FAAH2: variants seen among roughly 807,000 people sequenced by gnomAD.
The protein encoded by FAAH2 is fatty acid amide hydrolase 2.
Under a neutral mutation model 36.9 loss-of-function variants are expected in FAAH2, and 60 were observed. That is an observed-to-expected ratio of 1.63 (90% CI 1.32 to 2.02). The LOEUF (loss-of-function observed/expected upper bound fraction) is 2.02. FAAH2 is among the 30% of genes most tolerant of loss of function. FAAH2 has a pLI of 0.00. For synonymous variants in FAAH2, 214 were observed against 143.8 expected, an observed-to-expected ratio of 1.49 and a Z score of -3.49; for missense variants, 689 against 397.5, an observed-to-expected ratio of 1.73 and a Z score of -6.23.
chrX:57,377,628 G>C (rs866661638), intron 5 of FAAH2, among the ~76,000 whole-genome samples: 1 of 111,695 alleles, frequency 9.0e-6, no homozygotes, highest in Middle Eastern at 4.3e-3. Context: ...TGGCTAAATG[G>C]GCTCATTTTG....
At chrX:57,216,032 G>A in the FAAH2 span, among the ~76,000 whole-genome samples, 7 of 108,461 alleles carry the variant, frequency 6.5e-5, no homozygotes, top group African/African-American at 1.3e-4. Context: ...GCGTATGTGT[G>A]TGTGTAGTGT....
At chrX:57,244,434 C>A in the FAAH2 span, among the ~76,000 whole-genome samples, 1 of 111,088 alleles carries the variant, frequency 9.0e-6, no homozygotes, top group Non-Finnish European at 1.9e-5. Context: ...AACCCCAAGG[C>A]ACATAATCGT....
chrX:57,311,884 C>T (rs768802390), intron 3 of FAAH2, among the ~76,000 whole-genome samples: 129 of 112,035 alleles, frequency 1.2e-3, no homozygotes, highest in African/African-American at 4.1e-3. Flanking sequence ...AGGGCTACAG[C>T]GTGCTACTTG....
At chrX:57,285,771 G>C (rs2051801066), upstream of FAAH2, among the ~76,000 whole-genome samples, 1 of 112,211 alleles carries the variant, frequency 8.9e-6, no homozygotes, top group Non-Finnish European at 1.9e-5. Flanking sequence ...GCTGGACAAA[G>C]TAGATGGGTC....
intron 5 of FAAH2, among the ~76,000 whole-genome samples, chrX:57,348,418 A>T (rs1382618186): frequency 9.0e-6 from 1 of 111,241 alleles, no homozygotes; most frequent in Non-Finnish European, 1.9e-5. Context: ...GGGGCTTAAG[A>T]GCCCACTTTC....
At chrX:57,442,463 T>C (rs2056581461) in intron 8 of FAAH2, among the ~76,000 whole-genome samples, 1 of 111,379 alleles carries the variant, frequency 9.0e-6, no homozygotes, top group African/African-American at 3.3e-5. Flanking sequence ...ATTTGCTTGG[T>C]AGATCTTCCT....
the FAAH2 span, among the ~76,000 whole-genome samples, chrX:57,157,538 C>T: frequency 9.0e-6 from 1 of 111,548 alleles, no homozygotes; most frequent in Admixed American, 9.5e-5. Flanking sequence ...ACACTGACTG[C>T]ACTCTTTCTC....
chrX:57,419,504 C>T, intron 7 of FAAH2, among the ~76,000 whole-genome samples: 1 of 112,333 alleles, frequency 8.9e-6, no homozygotes, highest in Middle Eastern at 4.6e-3. Flanking sequence ...TTTTTGGCAG[C>T]ATAAATGTCT....
the FAAH2 span, among the ~76,000 whole-genome samples, chrX:57,171,873 A>G: frequency 8.9e-6 from 1 of 111,750 alleles, no homozygotes; most frequent in African/African-American, 3.3e-5. Context: ...TTCTTGTATA[A>G]TTTTTATGGT....
the FAAH2 span, among the ~76,000 whole-genome samples, chrX:57,122,729 C>G: frequency 8.9e-6 from 1 of 111,893 alleles, no homozygotes; most frequent in Non-Finnish European, 1.9e-5. Context: ...CTTTCTTATT[C>G]AGATACTTAT....
intron 7 of FAAH2, among the ~76,000 whole-genome samples, chrX:57,404,235 A>G (rs1386885051): frequency 8.9e-6 from 1 of 112,275 alleles, no homozygotes; most frequent in Non-Finnish European, 1.9e-5. Context: ...GTTATCAATT[A>G]TAGGTTTTAA....
At chrX:57,265,614 C>A in the FAAH2 span, among the ~76,000 whole-genome samples, 1 of 111,421 alleles carries the variant, frequency 9.0e-6, no homozygotes, top group Non-Finnish European at 1.9e-5. Context: ...TCCCCTTTCT[C>A]ATCACTTGGG....
chrX:57,488,746 G>A lies in FAAH2; in HGVS notation c.1424-11G>A. 1 of 1,206,051 alleles carries A rather than the reference G, an allele frequency of 8.3e-7. No homozygotes were observed. The highest frequency in any genetic ancestry group is 1.1e-6 in the Non-Finnish European group (1 of 893,629). ...TCTTGATTTCTCACTTATTTTGTTT[G>A]TTTTCTTCAGGTGTCTTCAGTGCCC... On this transcript the variant is annotated splice_polypyrimidine_tract_variant and intron_variant, in intron 10 of 10. Transcript: ENST00000374900.
At chrX:57,342,283 T>A (rs1325114402) in intron 5 of FAAH2, among the ~76,000 whole-genome samples, 3 of 111,241 alleles carry the variant, frequency 2.7e-5, no homozygotes, top group South Asian at 7.5e-4. Context: ...AAACCAAATG[T>A]GACATATTTT....
At chrX:57,207,554 G>T in the FAAH2 span, among the ~76,000 whole-genome samples, 3 of 112,104 alleles carry the variant, frequency 2.7e-5, no homozygotes, top group Non-Finnish European at 5.6e-5. Context: ...AAATCCTCCT[G>T]TTCGTTTAGT....
the FAAH2 span, among the ~76,000 whole-genome samples, chrX:57,196,683 G>C: frequency 8.9e-6 from 1 of 111,762 alleles, no homozygotes; most frequent in Non-Finnish European, 1.9e-5. Flanking sequence ...TATAGTGTTG[G>C]CTGTGGATAT....
chrX:57,431,245 G>A (rs982968561), intron 7 of FAAH2, among the ~76,000 whole-genome samples: 1 of 111,697 alleles, frequency 9.0e-6, no homozygotes, highest in Non-Finnish European at 1.9e-5. Context: ...TCTAGTTATA[G>A]GTCTAGAAGC....
chrX:57,352,782 G>A (rs760022621), intron 5 of FAAH2, among the ~76,000 whole-genome samples: 33 of 111,053 alleles, frequency 3.0e-4, no homozygotes, highest in Non-Finnish European at 5.7e-4. Flanking sequence ...ACAAGAATCA[G>A]CACACAAAAT....
intron 5 of FAAH2, among the ~76,000 whole-genome samples, chrX:57,366,454 C>T (rs1301994540): frequency 8.9e-6 from 1 of 112,332 alleles, no homozygotes; most frequent in Non-Finnish European, 1.9e-5. Flanking sequence ...TTGGTGACAA[C>T]ACTAACAGAC....
Sources: allele counts gnomAD v4.1 joint callset (sites outside exome capture counted in the v4.1 genomes callset), GRCh38; gene constraint gnomAD v4.1.1; transcripts MANE v1.5; gene names NCBI Gene and HGNC (gene_info 2026-07-23, HGNC 2026-07-21).